INSR: variants seen among roughly 807,000 people sequenced by gnomAD.
The protein encoded by INSR is IR.
INSR carries 67 observed loss-of-function variants against 142.6 expected under a neutral mutation model. That is an observed-to-expected ratio of 0.47 (90% CI 0.39 to 0.58). The LOEUF (loss-of-function observed/expected upper bound fraction) is 0.58, where lower values mean the gene tolerates loss of function less well. Among genes scored for constraint, INSR ranks in the 20% least tolerant of loss-of-function variants. INSR has a pLI of 0.00. For synonymous variants in INSR, 756 were observed against 743.1 expected (o/e 1.02, Z -0.28); for missense variants, 1,248 against 1,833.2 (o/e 0.68, Z 5.83).
chr19:7,213,461 G>C (rs1975342206), intron 2 of INSR, among the ~76,000 whole-genome samples: 1 of 151,908 alleles, frequency 6.6e-6, no homozygotes. Flanking sequence ...TCTCCCCCAA[G>C]GAATGCTCAA....
chr19:7,128,460 C>T (rs1052478874), intron 15 of INSR, among the ~76,000 whole-genome samples: 1 of 152,014 alleles, frequency 6.6e-6, no homozygotes, highest in South Asian at 2.1e-4. Context: ...GTGATTCACC[C>T]GCCTTGGCCT....
At chr19:7,200,349 A>G (rs1306027208) in intron 2 of INSR, among the ~76,000 whole-genome samples, 1 of 152,140 alleles carries the variant, frequency 6.6e-6, no homozygotes, top group African/African-American at 2.4e-5. Flanking sequence ...GGGCAACTGG[A>G]TACAACTCAC....
chr19:7,292,695 C>T (rs1968528945), intron 1 of INSR, among the ~76,000 whole-genome samples: 1 of 152,152 alleles, frequency 6.6e-6, no homozygotes, highest in Non-Finnish European at 1.5e-5. Flanking sequence ...TAAAGCAGGG[C>T]CTCAGACCCC....
rs1967783364 is a variant in INSR at position 7,267,749 on chromosome 19, A to G, written c.248T>C (p.Met83Thr). 2 of 1,614,044 alleles carry G rather than the reference A, an allele frequency of 1.2e-6. No homozygotes were observed. Among genetic ancestry groups the G allele is most frequent in the African/African-American group, 1.3e-5 (1 of 74,910 alleles). The change falls in exon 2 of 22, where the codon ATG (methionine) becomes ACG (threonine). Residue 83 changes from methionine to threonine, a missense_variant. Coordinates refer to ENST00000302850, the MANE Select transcript of INSR (RefSeq NM_000208.4). This position sits in a 1 kb window ranked among gnomAD's most constrained non-coding sequence, Gnocchi z 6.3. Reference sequence around the variant, plus strand: ...GAAGAGCAGCAAGTAATCAGTGATCATGATGAGTTTGGGGAAACTGAGGTC... The same window carrying G: ...GAAGAGCAGCAAGTAATCAGTGATCGTGATGAGTTTGGGGAAACTGAGGTC... ...FRDLSFPKLI[M>T]ITDYLLLFRV...
chr19:7,149,172 G>A (rs1973258590), intron 11 of INSR, among the ~76,000 whole-genome samples: 1 of 152,162 alleles, frequency 6.6e-6, no homozygotes, highest in Admixed American at 6.5e-5. Context: ...CTCCCAAAGT[G>A]CTGGGATTAC....
chr19:7,130,285 C>T (rs1480933268), intron 14 of INSR, among the ~76,000 whole-genome samples: 3 of 152,048 alleles, frequency 2.0e-5, no homozygotes, highest in Non-Finnish European at 2.9e-5. Flanking sequence ...GGTGATTATC[C>T]TAACTGAATT....
intron 14 of INSR, among the ~76,000 whole-genome samples, chr19:7,131,726 T>C (rs1322945223): frequency 1.7e-4 from 23 of 134,872 alleles, no homozygotes; most frequent in Non-Finnish European, 2.5e-4. Context: ...AGGCCAGGCA[T>C]GGTGGCTCAT....
At chr19:7,200,761 G>C (rs1974930436) in intron 2 of INSR, among the ~76,000 whole-genome samples, 1 of 151,122 alleles carries the variant, frequency 6.6e-6, no homozygotes, top group African/African-American at 2.4e-5. Flanking sequence ...TTGGGAAGCT[G>C]AGGCAGAAGG....
Position 7,125,527 on chromosome 19 carries a change from A to C in INSR, c.3014T>G (p.Val1005Gly). 2 of 1,613,082 alleles carry C rather than the reference A, an allele frequency of 1.2e-6. No individual in the cohort carries two copies. The highest frequency in any genetic ancestry group is 1.7e-6 in the Non-Finnish European group (2 of 1,179,946). The part of the protein sequence containing the change: ...SNPEYLSASD[V>G]FPCSVYVPDE... ...CGGCACGTACACAGAGCATGGAAACACTACTTCTTACTTATCTACACAGCA... is the reference window on the plus strand; with the variant it reads ...CGGCACGTACACAGAGCATGGAAACCCTACTTCTTACTTATCTACACAGCA... The change falls in exon 17 of 22, where the codon GTG becomes GGG. Residue 1005 changes from valine (V) to glycine (G), a missense_variant and splice_region_variant. Physicochemically the swap from Val to Gly is moderately radical, Grantham distance 109. Coordinates refer to ENST00000302850, the MANE Select transcript of INSR (RefSeq NM_000208.4). This position sits in a 1 kb window ranked among gnomAD's most constrained non-coding sequence, Gnocchi z 4.9.
intron 9 of INSR, among the ~76,000 whole-genome samples, chr19:7,154,588 C>G (rs1221411773): frequency 6.7e-6 from 1 of 150,300 alleles, no homozygotes; most frequent in Non-Finnish European, 1.5e-5. Flanking sequence ...AGGCGTGAGC[C>G]ACTGCACCCG....
intron 8 of INSR, among the ~76,000 whole-genome samples, chr19:7,165,000 G>C (rs974768068): frequency 4.6e-5 from 7 of 152,034 alleles, no homozygotes; most frequent in African/African-American, 9.7e-5. Context: ...GTGGTGGCAC[G>C]CCTGTAGTTG....
chr19:7,271,342 A>G (rs752353354), intron 1 of INSR, among the ~76,000 whole-genome samples: 1 of 152,042 alleles, frequency 6.6e-6, no homozygotes, highest in Non-Finnish European at 1.5e-5. Context: ...CTAAAAATAC[A>G]AAAAACAACT....
chr19:7,242,348 G>C (rs1001187270), intron 2 of INSR, among the ~76,000 whole-genome samples: 2 of 152,052 alleles, frequency 1.3e-5, no homozygotes, highest in Non-Finnish European at 2.9e-5. Context: ...ACTGTACTGG[G>C]CAACATGGTA....
chr19:7,228,111 G>A (rs1043930800), intron 2 of INSR, among the ~76,000 whole-genome samples: 1 of 152,120 alleles, frequency 6.6e-6, no homozygotes, highest in Non-Finnish European at 1.5e-5. Flanking sequence ...GTGGTACAGG[G>A]TGGTTCTGAA....
intron 9 of INSR, among the ~76,000 whole-genome samples, chr19:7,155,526 A>G (rs1168347916): frequency 7.4e-6 from 1 of 134,630 alleles, no homozygotes; most frequent in African/African-American, 2.8e-5. Flanking sequence ...TGACAGAGGA[A>G]GCATTCCATC....
chr19:7,121,392 G>C (rs528327167), intron 19 of INSR, among the ~76,000 whole-genome samples: 3 of 152,272 alleles, frequency 2.0e-5, no homozygotes, highest in South Asian at 4.2e-4. Context: ...GCTGTGACAC[G>C]CAAGGTCCTT....
At chr19:7,124,934 C>A (rs186824632) in intron 17 of INSR, among the ~76,000 whole-genome samples, 6 of 151,644 alleles carry the variant, frequency 4.0e-5, no homozygotes, top group African/African-American at 1.5e-4. Flanking sequence ...ATGGAAGAGT[C>A]TAAAAAGCAA....
chr19:7,210,720 GAGAGAGACAGAGAC>G (rs762482388), intron 2 of INSR, among the ~76,000 whole-genome samples: 2 of 152,028 alleles, frequency 1.3e-5, no homozygotes, highest in Non-Finnish European at 2.9e-5. Context: ...TATATGGAGA[GAGAGAGACAGAGAC>G]AGAGAGACAG....
rs1319119525 is a variant in INSR, at chr19:7,292,091, C to CT, written c.100+1700_100+1701insA. Among the ~76,000 whole-genome samples the CT allele has an allele frequency of 4.6e-4, 36 of 77,586 alleles. 1 individual carries two copies. In the South Asian group the frequency reaches 8.5e-3, roughly 18 times the overall value. The allele number at this position is 77,586 out of a possible 152,430, so 50.9% of individuals were successfully genotyped here. On this transcript the variant is annotated intron_variant, in intron 1 of 21. Coordinates refer to ENST00000302850, the MANE Select transcript of INSR (RefSeq NM_000208.4). ...TACAAGCGTGAGCCACCACGCCCCG[C>CT]CTTTTTTTTTATTTTTTTGAGACAA...
Sources: gnomAD v4.1 joint callset for allele counts (sites outside exome capture counted in the v4.1 genomes callset) on GRCh38, gnomAD v4.1.1 for gene constraint, Gnocchi (gnomAD v3.1) non-coding constraint, MANE v1.5 for transcripts, NCBI Gene and HGNC (gene_info 2026-07-23, HGNC 2026-07-21) for gene names.